Variants in RNF217 observed in about 807,000 individuals in gnomAD.
RNF217 encodes the protein E3 ubiquitin-protein ligase RNF217.
A neutral mutation model predicts 57.8 loss-of-function variants in RNF217; 31 were observed. That is an observed-to-expected ratio of 0.54 (90% CI 0.40 to 0.72). RNF217 has a LOEUF of 0.72. Ranked by LOEUF, RNF217 falls within the 30% of genes least tolerant of loss-of-function variation. RNF217 has a pLI of 0.00. For synonymous variants in RNF217, 313 were observed against 294.0 expected, an observed-to-expected ratio of 1.06 and a Z score of -0.66; for missense variants, 696 against 708.3, an observed-to-expected ratio of 0.98 and a Z score of 0.20.
At chr6:125,005,734 TTC>T (rs1421545396) in intron 1 of RNF217, among the ~76,000 whole-genome samples, 1 of 152,242 alleles carries the variant, frequency 6.6e-6, no homozygotes, top group African/African-American at 2.4e-5. Context: ...TGGTTATTTA[TTC>T]TGTTATTAGA....
chr6:124,969,097 TTTA>T (rs931788771), intron 1 of RNF217, among the ~76,000 whole-genome samples: 8 of 152,226 alleles, frequency 5.3e-5, no homozygotes, highest in Non-Finnish European at 1.0e-4. Context: ...CTGGGAGATT[TTTA>T]TTAAGCCAGT....
chr6:124,987,971 C>T (rs1319597428), intron 1 of RNF217, among the ~76,000 whole-genome samples: 1 of 152,080 alleles, frequency 6.6e-6, no homozygotes, highest in African/African-American at 2.4e-5. Context: ...ATTAAGTGTC[C>T]CCAATCCAGG....
chr6:124,999,660 G>C (rs1687950481), intron 1 of RNF217, among the ~76,000 whole-genome samples: 2 of 152,010 alleles, frequency 1.3e-5, no homozygotes, highest in Non-Finnish European at 2.9e-5. Flanking sequence ...CTGTTCTGTG[G>C]ATCAAATAAA....
chr6:125,065,408 A>C (rs1787901633), intron 3 of RNF217, among the ~76,000 whole-genome samples: 1 of 152,180 alleles, frequency 6.6e-6, no homozygotes, highest in Admixed American at 6.5e-5. Context: ...TGTCCGATGC[A>C]TTTAAAAATT....
At chr6:125,033,447 T>TG (rs1205940934) in intron 1 of RNF217, among the ~76,000 whole-genome samples, 2 of 126,518 alleles carry the variant, frequency 1.6e-5, no homozygotes, top group Admixed American at 7.8e-5. Context: ...ATGCGGTGTT[T>TG]GGTTTTTTGT....
At chr6:125,040,843 A>C (rs1786851974) in intron 1 of RNF217, among the ~76,000 whole-genome samples, 1 of 152,174 alleles carries the variant, frequency 6.6e-6, no homozygotes, top group African/African-American at 2.4e-5. Context: ...CAGTGACAAA[A>C]ACTACATGAT....
chr6:125,010,542 A>G (rs1258127120), intron 1 of RNF217, among the ~76,000 whole-genome samples: 1 of 152,240 alleles, frequency 6.6e-6, no homozygotes, highest in Non-Finnish European at 1.5e-5. Context: ...ACAGTTTCAC[A>G]TTAAATCTCC....
chr6:125,062,825 C>G (rs928326457), intron 3 of RNF217, among the ~76,000 whole-genome samples: 6 of 152,182 alleles, frequency 3.9e-5, no homozygotes, highest in Non-Finnish European at 5.9e-5. Flanking sequence ...ATCCGCCCAC[C>G]TCAGCCTCCC....
In RNF217 at chr6:124,989,391, A is replaced by G. The variant is rs373987291; in HGVS notation, c.882+25965A>G. On this transcript the variant is annotated intron_variant, in intron 1 of 5. Coordinates refer to ENST00000521654, the MANE Select transcript of RNF217 (RefSeq NM_001286398.3). ...TCTTCTTTCTTCTTTTGACGTATGCAATAGTAATGAGAAAAGTAATGCAAG... is the reference window on the plus strand; with the variant it reads ...TCTTCTTTCTTCTTTTGACGTATGCGATAGTAATGAGAAAAGTAATGCAAG... 6.4e-4 allele frequency among the ~76,000 whole-genome samples: 98 copies of G among 152,298 alleles called. No individual in the cohort carries two copies. In the South Asian group the frequency reaches 0.02, roughly 31 times the overall value.
At chr6:125,046,282 G>A (rs1388867366) in intron 2 of RNF217, among the ~76,000 whole-genome samples, 1 of 152,072 alleles carries the variant, frequency 6.6e-6, no homozygotes, top group African/African-American at 2.4e-5. Flanking sequence ...AGTTTGCGCA[G>A]AAGTTTGGAT....
intron 1 of RNF217, chr6:125,009,115 A>G: frequency 1.1e-6 from 1 of 898,132 alleles, no homozygotes; most frequent in South Asian, 2.5e-5. Context: ...TTAGAAATGT[A>G]TGTATAAAGG....
At chr6:125,063,738 G>C (rs1286610975) in intron 3 of RNF217, among the ~76,000 whole-genome samples, 2 of 152,068 alleles carry the variant, frequency 1.3e-5, no homozygotes. Context: ...TCAAAAGAAA[G>C]TTGTAAACAA....
At chr6:125,057,210 CT>C in intron 2 of RNF217, among the ~76,000 whole-genome samples, 1 of 152,290 alleles carries the variant, frequency 6.6e-6, no homozygotes. Flanking sequence ...TGGTCTCTCT[CT>C]GTCGCCCATG....
rs1221266152 is a variant in RNF217, at chr6:125,009,462, G to A, written c.883-35749G>A. ...GGTGCCATCTCTTTCTAGAAAGAAT[G>A]TAAGAAGGCAGAAAAAAAAAAGAAA... On this transcript the variant is annotated intron_variant, in intron 1 of 5. Coordinates refer to ENST00000521654, the MANE Select transcript of RNF217 (RefSeq NM_001286398.3). The A allele has an allele frequency of 8.5e-6, 4 of 471,358 alleles. No individual in the cohort carries two copies. In the East Asian group the frequency reaches 9.3e-5, roughly 11 times the overall value. The allele number at this position is 471,358 out of a possible 1,614,324, so 29.2% of individuals were successfully genotyped here.
chr6:124,990,549 C>A (rs1195981262), intron 1 of RNF217, among the ~76,000 whole-genome samples: 2 of 152,114 alleles, frequency 1.3e-5, no homozygotes, highest in African/African-American at 4.8e-5. Context: ...TTGCTTAGAC[C>A]AGAACTTTGG....
intron 1 of RNF217, among the ~76,000 whole-genome samples, chr6:124,965,578 AAAG>A (rs1783507839): frequency 1.3e-5 from 2 of 152,304 alleles, no homozygotes; most frequent in South Asian, 2.1e-4. Flanking sequence ...TCTCAAAAAA[AAAG>A]AAGAATATAC....
chr6:124,976,644 T>G (rs1783975638), intron 1 of RNF217, among the ~76,000 whole-genome samples: 3 of 151,890 alleles, frequency 2.0e-5, no homozygotes, highest in Non-Finnish European at 4.4e-5. Context: ...GGACTACAGG[T>G]GTGTGCCACC....
chr6:124,963,300 G>A lies in RNF217; in HGVS notation c.756G>A (p.Gly252=), dbSNP rs1010031192. Residue 252 remains glycine (G), a synonymous_variant, in exon 1 of 6, where the codon GGG becomes GGA. Coordinates refer to ENST00000521654, the MANE Select transcript of RNF217 (RefSeq NM_001286398.3). ...CCTACTCTGGCCTGGGCGGTGTAGG[G>A]GATCCCTATGTGCCCCTCATGGTGC... The part of the protein sequence containing the change: ...APPYSGLGGV[G]DPYVPLMVLM... The A allele has an allele frequency of 2.6e-6, 4 of 1,535,780 alleles. No homozygotes were observed. Among genetic ancestry groups the A allele is most frequent in the Non-Finnish European group, 3.5e-6 (4 of 1,146,816 alleles).
chr6:125,061,612 T>C (rs1787735791), intron 3 of RNF217, among the ~76,000 whole-genome samples: 2 of 151,792 alleles, frequency 1.3e-5, no homozygotes. Context: ...TCCTTTTTAT[T>C]TGAGTGGTAG....
Sources: allele counts gnomAD v4.1 joint callset (sites outside exome capture counted in the v4.1 genomes callset), GRCh38; gene constraint gnomAD v4.1.1; transcripts MANE v1.5; gene names NCBI Gene and HGNC (gene_info 2026-07-23, HGNC 2026-07-21).